Variants in PCDHA8 observed in about 807,000 individuals in gnomAD.
The protein encoded by PCDHA8 is protocadherin alpha-8.
Under a neutral mutation model 61.8 loss-of-function variants are expected in PCDHA8, and 53 were observed. The ratio of observed to expected loss-of-function variants is 0.86; its 90% CI spans 0.69 to 1.08. The LOEUF (loss-of-function observed/expected upper bound fraction) is 1.08. Ranked by LOEUF, PCDHA8 falls within the 50% of genes least tolerant of loss-of-function variation. The pLI is 0.00. For synonymous variants in PCDHA8, 618 were observed against 556.6 expected, an observed-to-expected ratio of 1.11 and a Z score of -1.55; for missense variants, 1,293 against 1,245.0, an observed-to-expected ratio of 1.04 and a Z score of -0.58.
At chr5:140,907,840 A>C (rs2073633940) in intron 1 of PCDHA8, among the ~76,000 whole-genome samples, 1 of 152,160 alleles carries the variant, frequency 6.6e-6, no homozygotes, top group South Asian at 2.1e-4. Context: ...TGTTTATTAA[A>C]ATCCTCCTCT....
In PCDHA8 at chr5:140,849,836, C is replaced by T. The variant is rs2150452657; in HGVS notation, c.2394+6121C>T. 6 of 1,598,428 alleles carry T rather than the reference C, an allele frequency of 3.8e-6. 1 individual carries two copies. The Admixed American group carries it at 5.1e-5, about 13-fold the overall frequency. On this transcript the variant is annotated intron_variant, in intron 1 of 3. Coordinates refer to ENST00000531613, the MANE Select transcript of PCDHA8 (RefSeq NM_018911.3). Reference sequence around the variant, plus strand: ...CCAGGGTGTCTGTGGAGGTGGCCGACGTGAACGACAACGCACCAGCGTTCG... The same window carrying T: ...CCAGGGTGTCTGTGGAGGTGGCCGATGTGAACGACAACGCACCAGCGTTCG...
At chr5:140,845,056 T>C (rs2150376144) in intron 1 of PCDHA8, among the ~76,000 whole-genome samples, 2 of 149,620 alleles carry the variant, frequency 1.3e-5, no homozygotes, top group South Asian at 2.1e-4. Context: ...CAACTGAAGG[T>C]AACCTCAAAG....
rs782782390 is a variant in PCDHA8 at position 140,856,337 on chromosome 5, C to T, written c.2394+12622C>T. 2.5e-6 allele frequency: 4 copies of T among 1,598,496 alleles called. 1 individual carries two copies. The Admixed American group carries it at 5.1e-5, about 20-fold the overall frequency. On this transcript the variant is annotated intron_variant, in intron 1 of 3. Transcript: ENST00000531613. ...GATTGACCGCGAGGAGCTGTGCGGG[C>T]GGAGCGTGGAGTGCAGCATCCACCT...
intron 1 of PCDHA8, chr5:140,852,294 C>T (rs1467732169): frequency 2.1e-6 from 1 of 469,886 alleles, no homozygotes; most frequent in Non-Finnish European, 2.9e-6. Flanking sequence ...TTTTATTTTT[C>T]TGAGACGGAG....
rs1316774875 is a variant in PCDHA8 at position 140,883,076 on chromosome 5, G to T, written c.2394+39361G>T. The T allele has an allele frequency of 3.1e-6, 5 of 1,614,032 alleles. No homozygotes were observed. Among genetic ancestry groups the T allele is most frequent in the Middle Eastern group, 1.6e-4 (1 of 6,084 alleles). On this transcript the variant is annotated intron_variant, in intron 1 of 3. Transcript: ENST00000531613. ...GATCAAGCTAAATGCCACAGATCCT[G>T]ATGATGGTACAAATGGAGATATAGT...
rs11350929 is a variant in PCDHA8, at chr5:140,972,660, ATTT to A, written c.2395-6269_2395-6267del. Among the ~76,000 whole-genome samples, 687 of 117,242 alleles carry A rather than the reference ATTT, an allele frequency of 5.9e-3. 9 individuals carry two copies. Among genetic ancestry groups the A allele is most frequent in the African/African-American group, 0.021 (630 of 30,162 alleles). 76.9% of individuals were successfully genotyped at this position (117,242 alleles called of 152,430 possible). A position where few individuals can be genotyped will look rare whatever the true frequency, so the allele number is the denominator to read the frequency against. On this transcript the variant is annotated intron_variant, in intron 1 of 3. Coordinates refer to ENST00000531613, the MANE Select transcript of PCDHA8 (RefSeq NM_018911.3). ...CAGAGTCTCCATAAAAAGAAACCAAATTTTTTTTTTTTTTTTTTTTTTGAGATG... is the reference window on the plus strand; with the variant it reads ...CAGAGTCTCCATAAAAAGAAACCAAATTTTTTTTTTTTTTTTTTTGAGATG...
chr5:140,873,161 C>T (rs946054760), intron 1 of PCDHA8, among the ~76,000 whole-genome samples: 11 of 152,012 alleles, frequency 7.2e-5, no homozygotes, highest in South Asian at 4.2e-4. Context: ...GACTTTAGAT[C>T]GAGAGCTTTT....
rs570631397 is a variant in PCDHA8, at chr5:140,879,658, A to G, written c.2394+35943A>G. Among the ~76,000 whole-genome samples the G allele has an allele frequency of 1.1e-4, 16 of 152,350 alleles. No homozygotes were observed. The South Asian group carries it at 3.1e-3, about 30-fold the overall frequency. ...TCGCTTCCTGTGGCTGCTATAACAA[A>G]CGAACACAAACTGGGTGCTGTAAAA... On this transcript the variant is annotated intron_variant, in intron 1 of 3. Transcript: ENST00000531613.
chr5:140,868,889 C>A, intron 1 of PCDHA8: 1 of 744,508 alleles, frequency 1.3e-6, no homozygotes, highest in Non-Finnish European at 2.1e-6. Flanking sequence ...CAGTTTTAGG[C>A]GCAAGGTGTC....
chr5:140,907,111 C>T (rs1465808747), intron 1 of PCDHA8, among the ~76,000 whole-genome samples: 1 of 152,130 alleles, frequency 6.6e-6, no homozygotes, highest in African/African-American at 2.4e-5. Flanking sequence ...ACTTCCACCC[C>T]TTGATTCCTG....
At chr5:140,969,045 CCAA>C in intron 1 of PCDHA8, 4 of 1,614,090 alleles carry the variant, frequency 2.5e-6, no homozygotes, top group Non-Finnish European at 3.4e-6. Flanking sequence ...TACAAACAAG[CCAA>C]CAACAATATT....
At chr5:141,007,426 G>A (rs1255100179) in intron 3 of PCDHA8, among the ~76,000 whole-genome samples, 4 of 151,118 alleles carry the variant, frequency 2.6e-5, no homozygotes, top group Non-Finnish European at 5.9e-5. Flanking sequence ...AAATTAGCCA[G>A]GCATGGTGGC....
intron 1 of PCDHA8, among the ~76,000 whole-genome samples, chr5:140,976,868 CAAAG>C (rs1397427113): frequency 6.6e-5 from 10 of 152,120 alleles, no homozygotes; most frequent in African/African-American, 1.2e-4. Flanking sequence ...TACTGTCTGA[CAAAG>C]AAAGAATTAG....
intron 3 of PCDHA8, among the ~76,000 whole-genome samples, chr5:140,997,400 G>A (rs1554255862): frequency 3.3e-5 from 5 of 152,056 alleles, no homozygotes; most frequent in Admixed American, 1.3e-4. Context: ...AGGCTCTATC[G>A]TATGGCCTAT....
At chr5:140,863,590 A>G (rs1182896433) in intron 1 of PCDHA8, 1 of 358,846 alleles carries the variant, frequency 2.8e-6, no homozygotes, top group African/African-American at 2.1e-5. Flanking sequence ...CCTGGAAAGT[A>G]TTTCATTCCT....
chr5:140,898,671 G>A lies in PCDHA8; in HGVS notation c.2394+54956G>A, dbSNP rs1419362877. 2.2e-4 allele frequency among the ~76,000 whole-genome samples: 33 copies of A among 152,200 alleles called. No homozygotes were observed. The East Asian group carries it at 2.3e-3, about 11-fold the overall frequency. On this transcript the variant is annotated intron_variant, in intron 1 of 3. Transcript: ENST00000531613. ...TGGCTTAGGATTGACTTGGTGTTGCGGGCTGTTTTTTGGTTCCATATGAAC... is the reference window on the plus strand; with the variant it reads ...TGGCTTAGGATTGACTTGGTGTTGCAGGCTGTTTTTTGGTTCCATATGAAC...
chr5:140,966,176 T>G (rs2095977016), intron 1 of PCDHA8: 1 of 188,102 alleles, frequency 5.3e-6, no homozygotes, highest in African/African-American at 2.3e-5. Context: ...CCTGGGGAGC[T>G]GATAGCCAGA....
Position 141,010,126 on chromosome 5 carries a change from C to G in PCDHA8, c.*189C>G, listed in dbSNP as rs2098416139. ...TTTTGTCGTAAAAGCTTTACTAAGT[C>G]TGGTGTTAACTCTTTCTCTCCACTC... On this transcript the variant is annotated 3_prime_UTR_variant, in exon 4 of 4. Coordinates refer to ENST00000531613, the MANE Select transcript of PCDHA8 (RefSeq NM_018911.3). 1 of 1,602,246 alleles carries G rather than the reference C, an allele frequency of 6.2e-7. No homozygotes were observed. The highest frequency in any genetic ancestry group is 8.5e-7 in the Non-Finnish European group (1 of 1,173,654).
rs782467193 is a variant in PCDHA8, at chr5:140,884,498, G to A, written c.2394+40783G>A. 8.1e-6 allele frequency: 13 copies of A among 1,613,958 alleles called. No homozygotes were observed. The Admixed American group carries it at 8.3e-5, about 10-fold the overall frequency. On this transcript the variant is annotated intron_variant, in intron 1 of 3. Transcript: ENST00000531613. ...CAAGCCCACTCTAGTGTGCTCCAGC[G>A]CGGCAGGGAGTTGGTCGTACTCGCA...
Sources: allele counts gnomAD v4.1 joint callset (sites outside exome capture counted in the v4.1 genomes callset), GRCh38; gene constraint gnomAD v4.1.1; transcripts MANE v1.5; gene names NCBI Gene and HGNC (gene_info 2026-07-23, HGNC 2026-07-21).